DLG2: variants seen among roughly 807,000 people sequenced by gnomAD.
The protein encoded by DLG2 is discs large MAGUK scaffold protein 2.
In DLG2, 45 loss-of-function variants were observed where a neutral mutation model predicts 132.5. The ratio of observed to expected loss-of-function variants is 0.34; its 90% confidence interval spans 0.27 to 0.44. The LOEUF (loss-of-function observed/expected upper bound fraction) is 0.44. Ranked by LOEUF, DLG2 falls within the 20% of genes least tolerant of loss-of-function variation. DLG2 has a pLI of 1.00. For missense variants in DLG2, 1,045 were observed against 1,196.9 expected, an observed-to-expected ratio of 0.87 and a Z score of 1.87; for synonymous variants, 424 against 419.6, an observed-to-expected ratio of 1.01 and a Z score of -0.13.
At chr11:84,143,879 G>T (rs1214339310) in intron 9 of DLG2, among the ~76,000 whole-genome samples, 2 of 152,048 alleles carry the variant, frequency 1.3e-5, no homozygotes, top group South Asian at 4.1e-4. Flanking sequence ...TAATAAACAC[G>T]TTAGAAAATT....
intron 6 of DLG2, among the ~76,000 whole-genome samples, chr11:84,689,320 C>A (rs544514618): frequency 6.6e-6 from 1 of 151,710 alleles, no homozygotes; most frequent in East Asian, 1.9e-4. Context: ...TGTAATAAAG[C>A]AAGACTCTAT....
chr11:83,970,489 T>A (rs2449594), intron 12 of DLG2, among the ~76,000 whole-genome samples: 149,705 of 152,278 alleles, frequency 0.98, 73,593 homozygotes, highest in East Asian at 1. Flanking sequence ...AAAAATTTAC[T>A]TAGATTTCAG....
At chr11:85,333,075 C>G (rs2081879969) in intron 3 of DLG2, among the ~76,000 whole-genome samples, 1 of 152,146 alleles carries the variant, frequency 6.6e-6, no homozygotes, top group African/African-American at 2.4e-5. Context: ...TTCTTCCTAT[C>G]CATGAGCATG....
chr11:84,595,992 T>C (rs1421474217), intron 6 of DLG2, among the ~76,000 whole-genome samples: 1 of 152,164 alleles, frequency 6.6e-6, no homozygotes, highest in Admixed American at 6.5e-5. Context: ...GGAATATTAA[T>C]GTGGAAAAAA....
intron 5 of DLG2, among the ~76,000 whole-genome samples, chr11:85,152,244 A>AT (rs200542714): frequency 0.064 from 9,348 of 145,832 alleles, 378 homozygotes; most frequent in East Asian, 0.1. Flanking sequence ...TTATTTATTA[A>AT]TTTTTTTTTT....
At chr11:84,499,191 T>C (rs2099194668) in intron 7 of DLG2, among the ~76,000 whole-genome samples, 1 of 152,346 alleles carries the variant, frequency 6.6e-6, no homozygotes, top group Non-Finnish European at 1.5e-5. Flanking sequence ...CTAGATAATT[T>C]ACTTAAACTT....
intron 3 of DLG2, among the ~76,000 whole-genome samples, chr11:85,524,512 A>C (rs2074587902): frequency 6.6e-6 from 1 of 151,518 alleles, no homozygotes; most frequent in Non-Finnish European, 1.5e-5. Flanking sequence ...CATTTTTTTG[A>C]GACAGGATCT....
chr11:83,505,564 G>C (rs2094651824), intron 21 of DLG2, among the ~76,000 whole-genome samples: 1 of 152,200 alleles, frequency 6.6e-6, no homozygotes, highest in African/African-American at 2.4e-5. Context: ...TTACCTCTCA[G>C]AGAGGTCCAT....
At chr11:85,283,459 A>G (rs145399493) in intron 4 of DLG2, among the ~76,000 whole-genome samples, 23 of 148,996 alleles carry the variant, frequency 1.5e-4, no homozygotes, top group African/African-American at 4.9e-4. Flanking sequence ...ACTATAAGCA[A>G]AATTAATAAT....
At chr11:84,623,255 G>C (rs774544509) in intron 6 of DLG2, among the ~76,000 whole-genome samples, 3 of 151,630 alleles carry the variant, frequency 2.0e-5, no homozygotes, top group African/African-American at 7.3e-5. Context: ...GATAATCAAC[G>C]TAATGACCCC....
chr11:84,932,414 G>A (rs979926897), intron 6 of DLG2, among the ~76,000 whole-genome samples: 16 of 151,966 alleles, frequency 1.1e-4, no homozygotes, highest in Non-Finnish European at 1.5e-4. Context: ...TTTATGTTCC[G>A]GATACATGTG....
intron 18 of DLG2, among the ~76,000 whole-genome samples, chr11:83,735,249 C>A (rs1302000578): frequency 6.6e-6 from 1 of 151,974 alleles, no homozygotes; most frequent in Non-Finnish European, 1.5e-5. Context: ...ATGTAACCAG[C>A]ACTGAGTGAA....
At chr11:83,724,671 G>A (rs2089623840) in intron 18 of DLG2, among the ~76,000 whole-genome samples, 1 of 152,116 alleles carries the variant, frequency 6.6e-6, no homozygotes, top group South Asian at 2.1e-4. Context: ...GATAGCAACA[G>A]ACATGAAAAC....
rs532973763 is a variant in DLG2, at chr11:83,715,146, C to G, written c.1825+71544G>C. Among the ~76,000 whole-genome samples the G allele has an allele frequency of 3.9e-5, 6 of 152,204 alleles. No individual in the cohort carries two copies. In the East Asian group the frequency reaches 9.7e-4, roughly 25 times the overall value. ...GAAACTGGTAACTACAATTTTAACT[C>G]CTTCCCTCTGGTCCCAAGTCTGAGG... On this transcript the variant is annotated intron_variant, in intron 18 of 27. Transcript: ENST00000376104.
intron 16 of DLG2, among the ~76,000 whole-genome samples, chr11:83,861,934 A>C (rs2061525815): frequency 6.6e-6 from 1 of 152,222 alleles, no homozygotes; most frequent in Non-Finnish European, 1.5e-5. Flanking sequence ...CCCGTTATCC[A>C]TCATGTGCTT....
intron 6 of DLG2, among the ~76,000 whole-genome samples, chr11:84,772,080 G>A (rs1239324206): frequency 5.9e-5 from 9 of 151,378 alleles, no homozygotes; most frequent in Non-Finnish European, 1.0e-4. Flanking sequence ...TCATGCAAAT[G>A]GAAAACAAAA....
chr11:83,851,351 G>A (rs113467242), intron 16 of DLG2, among the ~76,000 whole-genome samples: 4 of 152,086 alleles, frequency 2.6e-5, no homozygotes, highest in Admixed American at 6.6e-5. Context: ...AGGGCTGGGC[G>A]GGGTGGCTCA....
At chr11:83,870,257 G>C (rs2063179026) in intron 16 of DLG2, among the ~76,000 whole-genome samples, 1 of 152,160 alleles carries the variant, frequency 6.6e-6, no homozygotes, top group South Asian at 2.1e-4. Context: ...TACCCACCAA[G>C]TAATTTCGCA....
intron 7 of DLG2, among the ~76,000 whole-genome samples, chr11:84,359,026 G>A (rs1021941906): frequency 1.3e-5 from 2 of 151,906 alleles, no homozygotes; most frequent in African/African-American, 4.8e-5. Flanking sequence ...ATGAGCATAT[G>A]AGTATATATA....
Sources: allele counts gnomAD v4.1 joint callset (sites outside exome capture counted in the v4.1 genomes callset), GRCh38; gene constraint gnomAD v4.1.1; transcripts MANE v1.5; gene names NCBI Gene and HGNC (gene_info 2026-07-23, HGNC 2026-07-21).